The following ELAVL4 variants were observed in gnomAD, a reference collection of about 807,000 sequenced individuals.
ELAVL4 encodes the protein ELAV-like protein 4.
Under a neutral mutation model 35.6 loss-of-function variants are expected in ELAVL4, and 1 was observed. That is an observed-to-expected ratio of 0.03 (90% CI 0.01 to 0.13). ELAVL4 has a LOEUF of 0.13. Among genes scored for constraint, ELAVL4 ranks in the 10% least tolerant of loss-of-function variants. ELAVL4 has a pLI of 1.00. For synonymous variants in ELAVL4, 156 were observed against 171.0 expected, an observed-to-expected ratio of 0.91 and a Z score of 0.69; for missense variants, 267 against 464.9, an observed-to-expected ratio of 0.57 and a Z score of 3.91.
chr1:50,135,238 C>T (rs528570803), intron 1 of ELAVL4, among the ~76,000 whole-genome samples: 53 of 152,070 alleles, frequency 3.5e-4, no homozygotes, highest in South Asian at 8.3e-4. Flanking sequence ...AATATAAGTT[C>T]CTTTTAGATT....
At chr1:50,085,307 A>G (rs187982758) in intron 1 of ELAVL4, among the ~76,000 whole-genome samples, 22 of 152,220 alleles carry the variant, frequency 1.4e-4, no homozygotes, top group African/African-American at 5.3e-4. Flanking sequence ...CCTTTCCTGG[A>G]CTCCTTTTCC....
chr1:50,075,540 AAAG>A (rs200786454), intron 1 of ELAVL4, among the ~76,000 whole-genome samples: 1,856 of 152,312 alleles, frequency 0.012, 13 homozygotes, highest in Non-Finnish European at 0.017. Flanking sequence ...CATCGCAGGT[AAAG>A]AAGAGCTCCA....
chr1:50,146,346 C>T (rs1673722627), intron 2 of ELAVL4, among the ~76,000 whole-genome samples: 1 of 152,120 alleles, frequency 6.6e-6, no homozygotes, highest in African/African-American at 2.4e-5. Flanking sequence ...AATACCACTG[C>T]TACTTTCCAA....
chr1:50,138,366 G>A (rs914505271), intron 1 of ELAVL4, among the ~76,000 whole-genome samples: 9 of 152,044 alleles, frequency 5.9e-5, no homozygotes, highest in African/African-American at 1.9e-4. Context: ...GAGGATATAG[G>A]GCCAAGGCAT....
In ELAVL4 at chr1:50,160,543, C is replaced by T. The variant is rs754860218; in HGVS notation, c.250+15346C>T. On this transcript the variant is annotated intron_variant, in intron 2 of 6. Coordinates refer to ENST00000371824, the MANE Select transcript of ELAVL4 (RefSeq NM_001144774.3). Reference sequence around the variant, plus strand: ...GGCACTTTACTATCAGCGAACTCCTCGATGATAAGGACAGAGGTGTCCATT... The same window carrying T: ...GGCACTTTACTATCAGCGAACTCCTTGATGATAAGGACAGAGGTGTCCATT... Among the ~76,000 whole-genome samples the T allele has an allele frequency of 1.2e-4, 19 of 152,188 alleles. No homozygotes were observed. In the South Asian group the frequency reaches 1.7e-3, roughly 13 times the overall value.
intron 1 of ELAVL4, among the ~76,000 whole-genome samples, chr1:50,048,504 G>T (rs1005045353): frequency 4.6e-5 from 7 of 152,094 alleles, no homozygotes; most frequent in Non-Finnish European, 8.8e-5. Context: ...CCTCCCCAGC[G>T]ACAGGCGACC....
chr1:50,162,552 C>CT (rs1226922178), intron 2 of ELAVL4, among the ~76,000 whole-genome samples: 1 of 152,156 alleles, frequency 6.6e-6, no homozygotes, highest in Non-Finnish European at 1.5e-5. Flanking sequence ...ATTTTAAATA[C>CT]TTTGGGAATT....
upstream of ELAVL4, chr1:50,105,887 C>G (rs926772535): frequency 6.2e-6 from 1 of 161,504 alleles, no homozygotes; most frequent in Admixed American, 6.2e-5. Flanking sequence ...TCTCTTAAAA[C>G]AAAATCTGTG....
At chr1:50,134,088 A>G (rs1402434764) in intron 1 of ELAVL4, among the ~76,000 whole-genome samples, 1 of 152,156 alleles carries the variant, frequency 6.6e-6, no homozygotes, top group Non-Finnish European at 1.5e-5. Context: ...ATATATTTCT[A>G]TGTAGATTTC....
chr1:50,051,507 A>G (rs1001376442), intron 1 of ELAVL4, among the ~76,000 whole-genome samples: 10 of 152,220 alleles, frequency 6.6e-5, no homozygotes, highest in Non-Finnish European at 1.2e-4. Context: ...TCTTTAAAAA[A>G]GTTAAATTGT....
At chr1:50,080,019 C>T (rs1178674863) in intron 1 of ELAVL4, among the ~76,000 whole-genome samples, 1 of 152,114 alleles carries the variant, frequency 6.6e-6, no homozygotes, top group Non-Finnish European at 1.5e-5. Flanking sequence ...ATTTCCTTTC[C>T]ACTGAAATGA....
intron 1 of ELAVL4, among the ~76,000 whole-genome samples, chr1:50,092,990 T>A (rs1427298177): frequency 1.3e-5 from 2 of 152,310 alleles, no homozygotes; most frequent in East Asian, 3.9e-4. Context: ...CAATATAAAT[T>A]CCCAGGGCAG....
upstream of ELAVL4, among the ~76,000 whole-genome samples, chr1:50,108,177 G>C (rs1666507773): frequency 6.6e-6 from 1 of 152,122 alleles, no homozygotes; most frequent in African/African-American, 2.4e-5. Flanking sequence ...GTTTTGAAAA[G>C]CTCAGACAGA....
At chr1:50,165,762 GTGTGTATATGTGTGTATATA>G (rs1194338190) in intron 2 of ELAVL4, among the ~76,000 whole-genome samples, 3 of 148,684 alleles carry the variant, frequency 2.0e-5, no homozygotes, top group Admixed American at 6.7e-5. Context: ...ATGTGTATAT[GTGTGTATATGTGTGTATATA>G]TGTGTATATA....
rs568288120 is a variant in ELAVL4 at position 50,142,499 on chromosome 1, G to A, written c.10-2458G>A. 1.3e-4 allele frequency among the ~76,000 whole-genome samples: 20 copies of A among 152,224 alleles called. No individual in the cohort carries two copies. In the East Asian group the frequency reaches 1.5e-3, roughly 12 times the overall value. On this transcript the variant is annotated intron_variant, in intron 1 of 6. Coordinates refer to ENST00000371824, the MANE Select transcript of ELAVL4 (RefSeq NM_001144774.3). ...ATTACAGGTGTGAGCCACCGCACCT[G>A]GCCTAGAACTCAGATTTTAAATCAC...
chr1:50,145,567 C>G (rs2148692717), intron 2 of ELAVL4, among the ~76,000 whole-genome samples: 1 of 152,288 alleles, frequency 6.6e-6, no homozygotes, highest in East Asian at 1.9e-4. Flanking sequence ...ATATTTGCTT[C>G]ATGTGTGCCC....
intron 3 of ELAVL4, chr1:50,179,997 T>C (rs1314196347): frequency 4.6e-5 from 7 of 152,124 alleles, no homozygotes; most frequent in Non-Finnish European, 2.9e-5. Flanking sequence ...AAAATCTAGA[T>C]TTTTTTCCTG....
chr1:50,120,651 A>G (rs572437733), intron 1 of ELAVL4, among the ~76,000 whole-genome samples: 1 of 152,212 alleles, frequency 6.6e-6, no homozygotes, highest in Non-Finnish European at 1.5e-5. Context: ...GACATTGGTT[A>G]GGGGAATCAG....
intron 3 of ELAVL4, among the ~76,000 whole-genome samples, chr1:50,193,026 C>G (rs1348359313): frequency 6.6e-6 from 1 of 152,154 alleles, no homozygotes; most frequent in East Asian, 1.9e-4. Context: ...TCTCTTCTCT[C>G]TCTCTACTGC....
Sources: gnomAD v4.1 joint callset for allele counts (sites outside exome capture counted in the v4.1 genomes callset) on GRCh38, gnomAD v4.1.1 for gene constraint, MANE v1.5 for transcripts, NCBI Gene and HGNC (gene_info 2026-07-23, HGNC 2026-07-21) for gene names.